The following BBOX1 variants were observed in gnomAD, a reference collection of about 807,000 sequenced individuals.
The protein encoded by BBOX1 is gamma-butyrobetaine dioxygenase.
In BBOX1, 35 loss-of-function variants were observed where a neutral mutation model predicts 41.6. The ratio of observed to expected loss-of-function variants is 0.84; its 90% CI spans 0.64 to 1.11. The LOEUF (loss-of-function observed/expected upper bound fraction) is 1.11, where lower values mean the gene tolerates loss of function less well. Among genes scored for constraint, BBOX1 ranks in the 50% most tolerant of loss-of-function variants. The pLI is 0.00. For missense variants in BBOX1, 458 were observed against 460.6 expected (o/e 0.99, Z 0.05); for synonymous variants, 163 against 154.7 (o/e 1.05, Z -0.40).
intron 6 of BBOX1, among the ~76,000 whole-genome samples, chr11:27,116,180 A>T (rs998205947): frequency 5.9e-5 from 9 of 152,020 alleles, no homozygotes; most frequent in Non-Finnish European, 8.8e-5. Flanking sequence ...AGGGACATGG[A>T]TGAAGATGGA....
chr11:27,115,598 G>A, intron 6 of BBOX1, 41 bp downstream of exon 6: 6 of 1,512,908 alleles, frequency 4.0e-6, no homozygotes, highest in Non-Finnish European at 5.4e-6. Context: ...GCATGATGAT[G>A]ACCAGTATCT....
intron 4 of BBOX1, among the ~76,000 whole-genome samples, chr11:27,065,133 A>G (rs1375873236): frequency 2.6e-5 from 4 of 152,202 alleles, no homozygotes; most frequent in African/African-American, 9.6e-5. Flanking sequence ...AGCTTAGCCT[A>G]AGCCCAGGAA....
intron 5 of BBOX1, among the ~76,000 whole-genome samples, chr11:27,105,871 C>A (rs1858847474): frequency 6.6e-6 from 1 of 152,138 alleles, no homozygotes; most frequent in African/African-American, 2.4e-5. Flanking sequence ...AAGGGAAGCC[C>A]ATCAGACTAA....
chr11:27,059,043 C>A (rs1249698427), intron 4 of BBOX1, among the ~76,000 whole-genome samples: 2 of 152,200 alleles, frequency 1.3e-5, no homozygotes, highest in Non-Finnish European at 2.9e-5. Flanking sequence ...ATTTCATAGA[C>A]CTGCACAGCA....
intron 4 of BBOX1, among the ~76,000 whole-genome samples, chr11:27,083,461 T>A (rs1857925950): frequency 6.6e-6 from 1 of 151,848 alleles, no homozygotes; most frequent in African/African-American, 2.4e-5. Flanking sequence ...GTGACTGAGT[T>A]TTTCAAGCAA....
chr11:27,111,238 T>C (rs544779252), intron 5 of BBOX1, among the ~76,000 whole-genome samples: 7 of 151,920 alleles, frequency 4.6e-5, no homozygotes, highest in African/African-American at 1.7e-4. Flanking sequence ...GTCAGCAAAT[T>C]AATACCTGAA....
intron 4 of BBOX1, among the ~76,000 whole-genome samples, chr11:27,062,744 G>A (rs1290837982): frequency 1.3e-5 from 2 of 152,102 alleles, no homozygotes; most frequent in African/African-American, 4.8e-5. Flanking sequence ...TGTATTTTTA[G>A]TAGAGATGGG....
intron 5 of BBOX1, among the ~76,000 whole-genome samples, chr11:27,096,568 A>G (rs975373290): frequency 6.6e-6 from 1 of 151,982 alleles, no homozygotes; most frequent in African/African-American, 2.4e-5. Context: ...TCCTTGGGAA[A>G]CTAGTACCCA....
At chr11:27,114,823 A>G (rs1427540813) in intron 5 of BBOX1, among the ~76,000 whole-genome samples, 7 of 152,068 alleles carry the variant, frequency 4.6e-5, no homozygotes, top group African/African-American at 1.7e-4. Context: ...GTAAATCTTC[A>G]TGGCTTTGGA....
At chr11:27,124,382 C>T (rs1550617) in intron 7 of BBOX1, among the ~76,000 whole-genome samples, 52,644 of 152,048 alleles carry the variant, frequency 0.35, 9,320 homozygotes, top group Non-Finnish European at 0.38. Flanking sequence ...ACTTTAAGAT[C>T]GTCTGAAGGT....
rs181558247 is a variant in BBOX1 at position 27,079,050 on chromosome 11, A to G, written c.335-14118A>G. 2.2e-4 allele frequency among the ~76,000 whole-genome samples: 34 copies of G among 152,284 alleles called. No homozygotes were observed. The East Asian group carries it at 6.4e-3, about 29-fold the overall frequency. The stretch of plus-strand genomic sequence containing the variant: ...TAAGAGCAAAGGCACGTTAAAGAAC[A>G]TTTGCGAAAAAGACAGGAGAGAAGA... On this transcript the variant is annotated intron_variant, in intron 4 of 8. Transcript: ENST00000263182.
intron 5 of BBOX1, among the ~76,000 whole-genome samples, chr11:27,105,882 G>T (rs956923777): frequency 6.6e-6 from 1 of 152,130 alleles, no homozygotes; most frequent in Admixed American, 6.6e-5. Flanking sequence ...ATCAGACTAA[G>T]AGTGGGTCTC....
At chr11:27,088,248 C>A (rs2134031241) in intron 4 of BBOX1, among the ~76,000 whole-genome samples, 1 of 152,128 alleles carries the variant, frequency 6.6e-6, no homozygotes, top group Middle Eastern at 3.4e-3. Context: ...GAAAATTCAT[C>A]TTGTGAAAAT....
intron 4 of BBOX1, among the ~76,000 whole-genome samples, chr11:27,081,978 T>C (rs917214141): frequency 2.0e-5 from 3 of 152,164 alleles, no homozygotes; most frequent in African/African-American, 7.2e-5. Context: ...ATGGATAGAT[T>C]GCAAAAATTT....
rs565066953 is a variant in BBOX1 at position 27,062,780 on chromosome 11, C to T, written c.334+5465C>T. 6.6e-5 allele frequency among the ~76,000 whole-genome samples: 10 copies of T among 152,302 alleles called. No individual in the cohort carries two copies. The South Asian group carries it at 1.9e-3, about 28-fold the overall frequency. Reference sequence around the variant, plus strand: ...GTTTCACCATGTTGGCCAGGATGGTCTTGATCTCTTGACCTCATGATCCGC... The same window carrying T: ...GTTTCACCATGTTGGCCAGGATGGTTTTGATCTCTTGACCTCATGATCCGC... On this transcript the variant is annotated intron_variant, in intron 4 of 8. Transcript: ENST00000263182.
At chr11:27,044,226 G>A (rs1851427753) in intron 2 of BBOX1, among the ~76,000 whole-genome samples, 1 of 152,066 alleles carries the variant, frequency 6.6e-6, no homozygotes, top group African/African-American at 2.4e-5. Flanking sequence ...ATGTTTGTTG[G>A]CTGCATAAAT....
intron 4 of BBOX1, among the ~76,000 whole-genome samples, chr11:27,075,384 C>T (rs912727854): frequency 3.9e-5 from 6 of 152,098 alleles, no homozygotes; most frequent in East Asian, 1.9e-4. Context: ...ATGGTATGCA[C>T]ATTTTTGTTT....
At chr11:27,080,754 G>T (rs12280183) in intron 4 of BBOX1, among the ~76,000 whole-genome samples, 8,737 of 152,086 alleles carry the variant, frequency 0.057, 842 homozygotes, top group African/African-American at 0.2. Context: ...ATAAATATGA[G>T]GATGAAGTGT....
In BBOX1 at chr11:27,119,848, A is replaced by G; in HGVS notation, c.836+3A>G. On this transcript the variant is annotated splice_donor_region_variant and intron_variant, in intron 7 of 8. Coordinates refer to ENST00000263182, the MANE Select transcript of BBOX1 (RefSeq NM_003986.3). ...CAATCAAAACATAAAATTATAGAGT[A>G]AGTACTATTTATAAATTTCCCATAG... is the stretch of plus-strand genomic sequence containing the variant. The G allele has an allele frequency of 6.8e-7, 1 of 1,460,898 alleles. No individual in the cohort carries two copies. The highest frequency in any genetic ancestry group is 9.2e-7 in the Non-Finnish European group (1 of 1,092,240). The allele number at this position is 1,460,898 out of a possible 1,614,324, so 90.5% of individuals were successfully genotyped here. A position where few individuals can be genotyped will look rare whatever the true frequency, so the allele number is the denominator to read the frequency against.
Sources: gnomAD v4.1 joint callset for allele counts (sites outside exome capture counted in the v4.1 genomes callset) on GRCh38, gnomAD v4.1.1 for gene constraint, MANE v1.5 for transcripts, NCBI Gene and HGNC (gene_info 2026-07-23, HGNC 2026-07-21) for gene names.